Variants in HDGFL3 observed in about 807,000 individuals in gnomAD.
HDGFL3 encodes hepatoma-derived growth factor-related protein 3.
HDGFL3 carries 6 observed loss-of-function variants against 27.6 expected under a neutral mutation model. The observed-to-expected ratio is 0.22, with a 90% confidence interval of 0.12 to 0.43. The LOEUF (loss-of-function observed/expected upper bound fraction) is 0.43. HDGFL3 is among the 20% of genes least tolerant of loss of function. The pLI, the probability that HDGFL3 is intolerant of heterozygous loss-of-function variation, is 1.00. For synonymous variants in HDGFL3, 88 were observed against 88.9 expected, an observed-to-expected ratio of 0.99 and a Z score of 0.05; for missense variants, 207 against 250.1, an observed-to-expected ratio of 0.83 and a Z score of 1.16.
chr15:83,126,895 T>C (rs1355511039), downstream of HDGFL3: 1 of 1,499,716 alleles, frequency 6.7e-7, no homozygotes, highest in African/African-American at 1.4e-5. Flanking sequence ...AATTTTCTTT[T>C]TAAAAAATGG....
Position 83,136,813 on chromosome 15 carries a change from A to C in HDGFL3, c.*2457T>G. ...TTGCTCTGCACTGTATGTGTGAGCT[A>C]TATGGTATTGTGTAAATTTTTTTTG... On this transcript the variant is annotated 3_prime_UTR_variant, in exon 6 of 6. Transcript: ENST00000299633. The C allele has an allele frequency of 1.7e-6, 1 of 590,518 alleles. No homozygotes were observed. Among genetic ancestry groups the C allele is most frequent in the South Asian group, 5.2e-5 (1 of 19,266 alleles). The allele number at this position is 590,518 out of a possible 1,614,324, so 36.6% of individuals were successfully genotyped here.
chr15:83,166,617 G>C (rs2037174923), intron 1 of HDGFL3, among the ~76,000 whole-genome samples: 1 of 152,150 alleles, frequency 6.6e-6, no homozygotes, highest in South Asian at 2.1e-4. Flanking sequence ...CCCGAGACAG[G>C]GTAATTTATA....
rs564306913 is a variant in HDGFL3 at position 83,207,682 on chromosome 15, CCCGCCGCCGCCG to C, written c.-280_-269del. 4.6e-3 allele frequency: 705 copies of C among 152,152 alleles called. 3 individuals carry two copies. The highest frequency in any genetic ancestry group is 5.2e-3 in the Non-Finnish European group (365 of 70,854). The allele number at this position is 152,152 out of a possible 1,614,324, so 9.4% of individuals were successfully genotyped here. On this transcript the variant is annotated 5_prime_UTR_variant, in exon 1 of 6. Transcript: ENST00000299633. This position sits in a 1 kb window ranked among gnomAD's most constrained non-coding sequence, Gnocchi z 4.8. The stretch of plus-strand genomic sequence containing the variant: ...GCCCGCGTCCGGCCGCGCCAAGGTC[CCCGCCGCCGCCG>C]CCGCCGCCGCCGCGCGCGCTGCTCA...
intron 1 of HDGFL3, among the ~76,000 whole-genome samples, chr15:83,177,544 T>C (rs2037327695): frequency 6.6e-6 from 1 of 152,240 alleles, no homozygotes; most frequent in Non-Finnish European, 1.5e-5. Flanking sequence ...AGCAATTATG[T>C]TCTGTAGTTT....
At chr15:83,121,943 C>CTA in intron 3 of HDGFL3, 1 of 1,608,500 alleles carries the variant, frequency 6.2e-7, no homozygotes, top group Non-Finnish European at 8.5e-7. Context: ...AACCATTGGC[C>CTA]TATATTGGGT....
chr15:83,127,426 A>G (rs1596514886), downstream of HDGFL3: 6 of 1,613,906 alleles, frequency 3.7e-6, no homozygotes, highest in Non-Finnish European at 4.2e-6. Context: ...TGGTTCCTGG[A>G]TGTTCCTGGA....
At chr15:83,165,717 C>T (rs1198440380) in intron 1 of HDGFL3, among the ~76,000 whole-genome samples, 3 of 148,586 alleles carry the variant, frequency 2.0e-5, no homozygotes, top group Non-Finnish European at 4.4e-5. Flanking sequence ...ATGGTGTGAA[C>T]CTGGGAGGCG....
chr15:83,200,999 T>C (rs888791257), intron 1 of HDGFL3, among the ~76,000 whole-genome samples: 7 of 152,042 alleles, frequency 4.6e-5, no homozygotes, highest in African/African-American at 1.4e-4. Flanking sequence ...TCTATTTCAA[T>C]GAGGGTACTT....
At chr15:83,115,764 C>T in intron 3 of HDGFL3, 2 of 925,074 alleles carry the variant, frequency 2.2e-6, no homozygotes, top group Non-Finnish European at 3.6e-6. Flanking sequence ...AAAAACATTC[C>T]ATTATTATTA....
At chr15:83,126,901 A>T (rs1441754846), downstream of HDGFL3, 2 of 1,462,314 alleles carry the variant, frequency 1.4e-6, no homozygotes, top group African/African-American at 2.8e-5. Flanking sequence ...CTTTTTAAAA[A>T]ATGGGTCCCA....
At position 83,137,455 on chromosome 15, in the gene HDGFL3, C is replaced by T. The variant is rs1596539913; in HGVS notation, c.*1815G>A. 1 of 152,162 alleles carries T rather than the reference C, an allele frequency of 6.6e-6. No individual in the cohort carries two copies. The highest frequency in any genetic ancestry group is 3.4e-3 in the Middle Eastern group (1 of 294). The allele number at this position is 152,162 out of a possible 1,614,324, so 9.4% of individuals were successfully genotyped here. Reference sequence around the variant, plus strand: ...AGTTGTATATTCCAATTCAAAATGCCATCTACATTCCCCTTATGTTTCAGT... The same window carrying T: ...AGTTGTATATTCCAATTCAAAATGCTATCTACATTCCCCTTATGTTTCAGT... On this transcript the variant is annotated 3_prime_UTR_variant, in exon 6 of 6. Coordinates refer to ENST00000299633, the MANE Select transcript of HDGFL3 (RefSeq NM_016073.4).
At position 83,139,185 on chromosome 15, in the gene HDGFL3, G is replaced by C; in HGVS notation, c.*85C>G. On this transcript the variant is annotated 3_prime_UTR_variant, in exon 6 of 6. Transcript: ENST00000299633. ...CAATGACAACAAGGACTATGTGTTGGTTCATATCAAATCCAAGAATATTAG... is the reference window on the plus strand; with the variant it reads ...CAATGACAACAAGGACTATGTGTTGCTTCATATCAAATCCAAGAATATTAG... The C allele has an allele frequency of 1.1e-6, 1 of 889,068 alleles. No individual in the cohort carries two copies. Among genetic ancestry groups the C allele is most frequent in the South Asian group, 3.2e-5 (1 of 31,074 alleles). The allele number at this position is 889,068 out of a possible 1,614,324, so 55.1% of individuals were successfully genotyped here.
chr15:83,184,678 G>A (rs545216455), intron 1 of HDGFL3: 21 of 151,958 alleles, frequency 1.4e-4, no homozygotes, highest in Non-Finnish European at 1.8e-4. Context: ...ATATTAGGTA[G>A]TACTGTAATC....
Position 83,133,678 on chromosome 15 carries a change from G to T in HDGFL3, c.*5592C>A, listed in dbSNP as rs908711394. 3 of 152,226 alleles carry T rather than the reference G, an allele frequency of 2.0e-5. No homozygotes were observed. Among genetic ancestry groups the T allele is most frequent in the Non-Finnish European group, 4.4e-5 (3 of 68,054 alleles). The allele number at this position is 152,226 out of a possible 1,614,324, so 9.4% of individuals were successfully genotyped here. A position where few individuals can be genotyped will look rare whatever the true frequency, so the allele number is the denominator to read the frequency against. ...GAGTTCACTGAGCCACCTGACCCCA[G>T]CACAGGCTCAGGCTGAGCTCTTCAG... On this transcript the variant is annotated 3_prime_UTR_variant, in exon 6 of 6. Coordinates refer to ENST00000299633, the MANE Select transcript of HDGFL3 (RefSeq NM_016073.4).
intron 1 of HDGFL3, among the ~76,000 whole-genome samples, chr15:83,192,731 CTTAA>C (rs2037526848): frequency 6.6e-6 from 1 of 152,168 alleles, no homozygotes; most frequent in African/African-American, 2.4e-5. Context: ...TTTTTTGAGT[CTTAA>C]GATATGCCTG....
intron 2 of HDGFL3, among the ~76,000 whole-genome samples, chr15:83,162,796 T>A (rs1426448333): frequency 6.6e-6 from 1 of 152,232 alleles, no homozygotes; most frequent in Non-Finnish European, 1.5e-5. Context: ...AACGTTCAAA[T>A]GAACATAAGT....
chr15:83,127,369 T>C (rs777732938), downstream of HDGFL3: 1 of 1,612,410 alleles, frequency 6.2e-7, no homozygotes, highest in Non-Finnish European at 8.5e-7. Context: ...TGCTGGCATA[T>C]ATGTTCTATT....
intron 1 of HDGFL3, among the ~76,000 whole-genome samples, chr15:83,171,848 C>T (rs1214316422): frequency 6.6e-6 from 1 of 152,112 alleles, no homozygotes; most frequent in East Asian, 1.9e-4. Flanking sequence ...ACTAAGATAA[C>T]AAACCTGCAC....
At chr15:83,118,230 T>TACACACACAC (rs72160704) in intron 3 of HDGFL3, among the ~76,000 whole-genome samples, 2 of 146,238 alleles carry the variant, frequency 1.4e-5, no homozygotes, top group East Asian at 4.1e-4. Context: ...TCTCTGTACG[T>TACACACACAC]ACACACACAC....
Sources: allele counts gnomAD v4.1 joint callset (sites outside exome capture counted in the v4.1 genomes callset), GRCh38; gene constraint gnomAD v4.1.1; non-coding constraint Gnocchi (gnomAD v3.1); transcripts MANE v1.5; gene names NCBI Gene and HGNC (gene_info 2026-07-23, HGNC 2026-07-21).